The following CSMD1 variants were observed in gnomAD, a reference collection of about 807,000 sequenced individuals.
CSMD1 encodes the protein CUB and sushi domain-containing protein 1.
Under a neutral mutation model 417.5 loss-of-function variants are expected in CSMD1, and 213 were observed. The observed-to-expected ratio is 0.51, with a 90% CI of 0.46 to 0.57. CSMD1 has a LOEUF of 0.57. Ranked by LOEUF, CSMD1 falls within the 20% of genes least tolerant of loss-of-function variation. The pLI is 0.00. For missense variants in CSMD1, 6,923 were observed against 4,529.7 expected (o/e 1.53, Z -15.17); for synonymous variants, 2,862 against 1,736.8 (o/e 1.65, Z -16.11).
At chr8:3,662,627 G>A (rs189619620) in intron 7 of CSMD1, among the ~76,000 whole-genome samples, 2 of 152,308 alleles carry the variant, frequency 1.3e-5, no homozygotes, top group African/African-American at 2.4e-5. Context: ...CTGTCTTCCA[G>A]AATGGTTGAA....
chr8:4,613,906 G>C (rs1434729917), intron 2 of CSMD1, among the ~76,000 whole-genome samples: 1 of 148,788 alleles, frequency 6.7e-6, no homozygotes, highest in African/African-American at 2.5e-5. Context: ...TCCATCTTCT[G>C]TACTTGAAAT....
chr8:3,305,549 C>T (rs1013173756), intron 25 of CSMD1, among the ~76,000 whole-genome samples: 1 of 151,192 alleles, frequency 6.6e-6, no homozygotes, highest in South Asian at 2.1e-4. Flanking sequence ...GCCCCATTTC[C>T]TCTCTGTCTC....
At chr8:3,779,094 G>A (rs779735271) in intron 5 of CSMD1, among the ~76,000 whole-genome samples, 1 of 151,828 alleles carries the variant, frequency 6.6e-6, no homozygotes, top group Non-Finnish European at 1.5e-5. Context: ...TAGGTTAAAA[G>A]ACTCCTAATG....
At chr8:4,559,692 C>A (rs1798243402) in intron 2 of CSMD1, among the ~76,000 whole-genome samples, 1 of 152,186 alleles carries the variant, frequency 6.6e-6, no homozygotes, top group Non-Finnish European at 1.5e-5. Flanking sequence ...AGTAAAATTG[C>A]TAAACAGCAA....
At chr8:3,618,002 G>C (rs1168923975) in intron 7 of CSMD1, among the ~76,000 whole-genome samples, 1 of 152,050 alleles carries the variant, frequency 6.6e-6, no homozygotes, top group South Asian at 2.1e-4. Context: ...ATCAAGTTTA[G>C]CTTAGTTTGT....
chr8:4,578,473 C>A (rs1232940686), intron 2 of CSMD1, among the ~76,000 whole-genome samples: 1 of 148,902 alleles, frequency 6.7e-6, no homozygotes, highest in Non-Finnish European at 1.5e-5. Context: ...ATTAAATAAA[C>A]ATAAATCCTT....
At chr8:4,785,461 G>A (rs1797355956) in intron 1 of CSMD1, among the ~76,000 whole-genome samples, 1 of 152,132 alleles carries the variant, frequency 6.6e-6, no homozygotes, top group Non-Finnish European at 1.5e-5. Context: ...GCAGCCCTTT[G>A]CTAAGCTTTG....
At chr8:3,981,885 C>T (rs889580816) in intron 5 of CSMD1, among the ~76,000 whole-genome samples, 8 of 152,108 alleles carry the variant, frequency 5.3e-5, no homozygotes, top group Non-Finnish European at 1.2e-4. Flanking sequence ...GTGAAGTTTC[C>T]TGTCATACAG....
chr8:4,183,192 G>A (rs1315211922), intron 3 of CSMD1, among the ~76,000 whole-genome samples: 2 of 151,852 alleles, frequency 1.3e-5, no homozygotes, highest in Non-Finnish European at 2.9e-5. Context: ...TGAATTTAGG[G>A]GAAAAAATGG....
intron 3 of CSMD1, among the ~76,000 whole-genome samples, chr8:4,042,117 A>C (rs1166262389): frequency 6.6e-6 from 1 of 152,196 alleles, no homozygotes; most frequent in Non-Finnish European, 1.5e-5. Flanking sequence ...AAAGAAGAAA[A>C]GGAAACAAAT....
At chr8:3,553,754 A>C (rs778350019) in intron 10 of CSMD1, among the ~76,000 whole-genome samples, 1 of 152,234 alleles carries the variant, frequency 6.6e-6, no homozygotes, top group Non-Finnish European at 1.5e-5. Flanking sequence ...TAAATTAATA[A>C]ATCTAGAGAG....
chr8:4,234,475 C>G (rs1455241423), intron 3 of CSMD1, among the ~76,000 whole-genome samples: 1 of 152,254 alleles, frequency 6.6e-6, no homozygotes, highest in East Asian at 1.9e-4. Context: ...CCATTTGAGA[C>G]CTGCTTATCC....
chr8:4,453,214 G>GACAC (rs1211571817), intron 2 of CSMD1, among the ~76,000 whole-genome samples: 6 of 94,966 alleles, frequency 6.3e-5, no homozygotes, highest in Non-Finnish European at 1.4e-4. Context: ...GACACACACA[G>GACAC]AGACACACAC....
At chr8:4,218,340 A>T (rs1189686589) in intron 3 of CSMD1, among the ~76,000 whole-genome samples, 3 of 152,178 alleles carry the variant, frequency 2.0e-5, no homozygotes, top group Admixed American at 1.3e-4. Context: ...CAGAATATTC[A>T]AACTGTTGAT....
intron 3 of CSMD1, among the ~76,000 whole-genome samples, chr8:4,389,080 A>G (rs892160158): frequency 7.2e-5 from 11 of 152,180 alleles, no homozygotes; most frequent in African/African-American, 2.7e-4. Context: ...CTTACTCTAC[A>G]TTATAGGAAT....
intron 1 of CSMD1, among the ~76,000 whole-genome samples, chr8:4,828,305 T>C (rs1246665447): frequency 6.6e-6 from 1 of 152,216 alleles, no homozygotes; most frequent in Non-Finnish European, 1.5e-5. Flanking sequence ...TGTCAACAAA[T>C]GTGCTGACTT....
chr8:3,896,319 C>T (rs1365928655), intron 5 of CSMD1, among the ~76,000 whole-genome samples: 3 of 152,106 alleles, frequency 2.0e-5, no homozygotes, highest in African/African-American at 7.2e-5. Flanking sequence ...AATGTATTTC[C>T]AGATTTCCAT....
At position 4,105,386 on chromosome 8, in the gene CSMD1, A is replaced by G. The variant is rs1268359736; in HGVS notation, c.416-73287T>C. Among the ~76,000 whole-genome samples, 6 of 152,238 alleles carry G rather than the reference A, an allele frequency of 3.9e-5. No individual in the cohort carries two copies. The South Asian group carries it at 1.2e-3, about 32-fold the overall frequency. On this transcript the variant is annotated intron_variant, in intron 3 of 69. Transcript: ENST00000635120. The stretch of plus-strand genomic sequence containing the variant: ...CTTTAGACATGTAACTATGAATAAG[A>G]AGGTGTTTATAGAAAAGTATTTTTA...
rs1338194967 is a variant in CSMD1, at chr8:3,768,359, G to C, written c.819-14317C>G. Among the ~76,000 whole-genome samples the C allele has an allele frequency of 3.9e-5, 6 of 152,154 alleles. No homozygotes were observed. In the East Asian group the frequency reaches 5.8e-4, roughly 15 times the overall value. ...GGAAGCTCATCTTCAATATGATTGG[G>C]AAATTCCAAACACCCAGCCTTTAAG... is the stretch of plus-strand genomic sequence containing the variant. On this transcript the variant is annotated intron_variant, in intron 5 of 69. Coordinates refer to ENST00000635120, the MANE Select transcript of CSMD1 (RefSeq NM_033225.6).
Sources: allele counts gnomAD v4.1 joint callset (sites outside exome capture counted in the v4.1 genomes callset), GRCh38; gene constraint gnomAD v4.1.1; transcripts MANE v1.5; gene names NCBI Gene and HGNC (gene_info 2026-07-23, HGNC 2026-07-21).